GALC: variants seen among roughly 807,000 people sequenced by gnomAD.
The protein encoded by GALC is galactocerebrosidase.
GALC carries 77 observed loss-of-function variants against 91.8 expected under a neutral mutation model. That is an observed-to-expected ratio of 0.84 (90% CI 0.70 to 1.01). The LOEUF (loss-of-function observed/expected upper bound fraction) is 1.01, where lower values mean the gene tolerates loss of function less well. Among genes scored for constraint, GALC ranks in the 50% least tolerant of loss-of-function variants. GALC has a pLI of 0.00. For synonymous variants in GALC, 357 were observed against 306.7 expected, an observed-to-expected ratio of 1.16 and a Z score of -1.71; for missense variants, 882 against 855.9, an observed-to-expected ratio of 1.03 and a Z score of -0.38.
chr14:87,977,147 G>T (rs1465288532), intron 6 of GALC, among the ~76,000 whole-genome samples: 7 of 151,786 alleles, frequency 4.6e-5, no homozygotes, highest in Non-Finnish European at 8.8e-5. Flanking sequence ...AATCAAATGG[G>T]TAACATACTA....
Position 87,934,323 on chromosome 14 carries a change from T to G in GALC, c.*409A>C. On this transcript the variant is annotated 3_prime_UTR_variant, in exon 17 of 17. Coordinates refer to ENST00000261304, the MANE Select transcript of GALC (RefSeq NM_000153.4). ...ATCATCTTGTGATGAAGACACTGGC[T>G]CACTTGGACACACGGTCAGCATGCA... 7.8e-7 allele frequency: 1 copy of G among 1,280,242 alleles called. No individual in the cohort carries two copies. Among genetic ancestry groups the G allele is most frequent in the Non-Finnish European group, 9.9e-7 (1 of 1,006,666 alleles). The allele number at this position is 1,280,242 out of a possible 1,614,324, so 79.3% of individuals were successfully genotyped here.
At chr14:87,975,266 C>A (rs1886447925) in intron 7 of GALC, among the ~76,000 whole-genome samples, 1 of 151,928 alleles carries the variant, frequency 6.6e-6, no homozygotes, top group Non-Finnish European at 1.5e-5. Context: ...CAACCCCGTT[C>A]TTCAACAAAT....
chr14:87,982,913 C>T (rs1454872781), intron 5 of GALC, among the ~76,000 whole-genome samples: 1 of 152,190 alleles, frequency 6.6e-6, no homozygotes, highest in East Asian at 1.9e-4. Flanking sequence ...TGAACCTCCT[C>T]ATCATAGCAT....
intron 10 of GALC, chr14:87,954,243 G>T (rs1038430230): frequency 1.2e-5 from 19 of 1,534,628 alleles, no homozygotes; most frequent in Non-Finnish European, 1.6e-5. Flanking sequence ...AGACTTTATA[G>T]AATTGGAGCA....
intron 3 of GALC, among the ~76,000 whole-genome samples, chr14:87,987,511 A>G (rs765281653): frequency 1.3e-5 from 2 of 152,228 alleles, no homozygotes; most frequent in East Asian, 1.9e-4. Flanking sequence ...TTCAACAAAG[A>G]GTTACTTCCA....
In GALC at chr14:87,963,516, A is replaced by C. The variant is rs762814839; in HGVS notation, c.1034-5T>G. The C allele has an allele frequency of 6.2e-7, 1 of 1,611,572 alleles. No homozygotes were observed. Among genetic ancestry groups the C allele is most frequent in the South Asian group, 1.1e-5 (1 of 90,996 alleles). On this transcript the variant is annotated splice_region_variant and splice_polypyrimidine_tract_variant and intron_variant, in intron 9 of 16. Coordinates refer to ENST00000261304, the MANE Select transcript of GALC (RefSeq NM_000153.4). Reference sequence around the variant, plus strand: ...GAGTAAACTGAGTGGTATGAGCTATAGAAAAACAGAAAGTTCCAAATAAGA... The same window carrying C: ...GAGTAAACTGAGTGGTATGAGCTATCGAAAAACAGAAAGTTCCAAATAAGA...
At chr14:87,984,678 T>C (rs1886897834) in intron 4 of GALC, 145 bp from the exon 5 acceptor site, 3 of 734,288 alleles carry the variant, frequency 4.1e-6, no homozygotes, top group Admixed American at 2.6e-5. Context: ...ATATACCATA[T>C]AAAAATTATT....
chr14:87,975,912 G>A (rs1567000043), intron 7 of GALC, among the ~76,000 whole-genome samples: 1 of 152,090 alleles, frequency 6.6e-6, no homozygotes, highest in Non-Finnish European at 1.5e-5. Context: ...ATAAAGAGTA[G>A]GCATCAAAAC....
At chr14:87,954,878 T>C (rs1324447810) in intron 10 of GALC, 16 of 1,598,730 alleles carry the variant, frequency 1.0e-5, no homozygotes, top group Non-Finnish European at 1.3e-5. Context: ...ATGAAGAAAA[T>C]ATACTATAGG....
At chr14:87,948,586 C>T (rs930370251) in intron 12 of GALC, among the ~76,000 whole-genome samples, 2 of 150,308 alleles carry the variant, frequency 1.3e-5, no homozygotes, top group African/African-American at 4.9e-5. Flanking sequence ...ACACTGGAAT[C>T]CTTTTATGAA....
At position 87,938,666 on chromosome 14, in the gene GALC, A is replaced by G. The variant is rs1037355695; in HGVS notation, c.1911+1239T>C. Among the ~76,000 whole-genome samples the G allele has an allele frequency of 4.6e-5, 7 of 151,994 alleles. 1 individual carries two copies. Among genetic ancestry groups the G allele is most frequent in the Admixed American group, 1.3e-4 (2 of 15,228 alleles). On this transcript the variant is annotated intron_variant, in intron 16 of 16. Transcript: ENST00000261304. The stretch of plus-strand genomic sequence containing the variant: ...CAAGTAAATTTCTGACGTATTAAAG[A>G]CTTACACATAAAAATAAATCCTAAA...
At chr14:87,984,624 T>A in intron 4 of GALC, 91 bp from the exon 5 acceptor site, 1 of 1,318,908 alleles carries the variant, frequency 7.6e-7, no homozygotes, top group Admixed American at 1.9e-5. Context: ...AGAAAAGCAT[T>A]CAACTAGCAA....
chr14:87,945,455 G>A, intron 14 of GALC, 98 bp downstream of exon 14: 1 of 910,570 alleles, frequency 1.1e-6, no homozygotes, highest in Non-Finnish European at 1.8e-6. Context: ...TTAGGTTCTT[G>A]AAATAGGAGG....
chr14:87,963,559 G>C, intron 9 of GALC, 48 bp from the exon 10 acceptor site: 1 of 1,507,202 alleles, frequency 6.6e-7, no homozygotes, highest in Non-Finnish European at 9.1e-7. Flanking sequence ...GGTAATAATA[G>C]TATTTCTTTT....
chr14:87,939,835 A>G, intron 16 of GALC, 70 bp downstream of exon 16: 2 of 1,098,796 alleles, frequency 1.8e-6, no homozygotes, highest in East Asian at 2.4e-5. Flanking sequence ...CTCCTATTTT[A>G]TAACAGAAAA....
At chr14:87,952,523 G>C (rs1885354846) in intron 10 of GALC, 1 of 726,672 alleles carries the variant, frequency 1.4e-6, no homozygotes, top group Non-Finnish European at 2.4e-6. Flanking sequence ...ACCCAGCCTA[G>C]TATCCTGTTG....
chr14:87,959,394 A>T (rs766911202), intron 10 of GALC, among the ~76,000 whole-genome samples: 1 of 152,190 alleles, frequency 6.6e-6, no homozygotes, highest in Non-Finnish European at 1.5e-5. Flanking sequence ...TGGTACAGCC[A>T]CTATAAAAAA....
intron 7 of GALC, 48 bp from the exon 8 acceptor site, chr14:87,968,538 C>T: frequency 6.5e-7 from 1 of 1,546,750 alleles, no homozygotes; most frequent in Non-Finnish European, 8.9e-7. Flanking sequence ...CACGACGTGG[C>T]ACTTATATAC....
intron 14 of GALC, 98 bp from the exon 15 acceptor site, chr14:87,941,656 T>C (rs1884861135): frequency 5.7e-6 from 5 of 881,180 alleles, no homozygotes; most frequent in Admixed American, 3.5e-5. Context: ...AAACTTCTAA[T>C]TGAGGTGAGA....
Sources: gnomAD v4.1 joint callset for allele counts (sites outside exome capture counted in the v4.1 genomes callset) on GRCh38, gnomAD v4.1.1 for gene constraint, MANE v1.5 for transcripts, NCBI Gene and HGNC (gene_info 2026-07-23, HGNC 2026-07-21) for gene names.